Variants in WSCD2 observed in about 807,000 individuals in gnomAD.
WSCD2 encodes the protein sialate:O-sulfotransferase 2.
In WSCD2, 28 loss-of-function variants were observed where a neutral mutation model predicts 55.7. The ratio of observed to expected loss-of-function variants is 0.50; its 90% CI spans 0.37 to 0.69. WSCD2 has a LOEUF of 0.69. Ranked by LOEUF, WSCD2 falls within the 30% of genes least tolerant of loss-of-function variation. The probability of loss-of-function intolerance (pLI) is 0.00; values close to 1 mark genes in which losing one functional copy is unlikely to be tolerated. For missense variants in WSCD2, 616 were observed against 762.1 expected (o/e 0.81, Z 2.26); for synonymous variants, 301 against 301.9 (o/e 1.00, Z 0.03).
intron 1 of WSCD2, among the ~76,000 whole-genome samples, chr12:108,193,760 TGACA>T (rs1883520383): frequency 6.6e-6 from 1 of 152,296 alleles, no homozygotes; most frequent in East Asian, 1.9e-4. Context: ...GACTGCTGGA[TGACA>T]GACGGATGGA....
At chr12:108,180,651 CCA>C (rs780897945) in intron 1 of WSCD2, among the ~76,000 whole-genome samples, 36 of 152,206 alleles carry the variant, frequency 2.4e-4, no homozygotes, top group Non-Finnish European at 3.7e-4. Flanking sequence ...TTGCTCTAGG[CCA>C]CACAGTCATT....
At chr12:108,184,871 G>A (rs1475642416) in intron 1 of WSCD2, among the ~76,000 whole-genome samples, 7 of 152,132 alleles carry the variant, frequency 4.6e-5, no homozygotes, top group East Asian at 1.9e-4. Flanking sequence ...AGGCTGTTTC[G>A]CTAGGTGTTG....
At chr12:108,151,430 T>C (rs532972397) in intron 1 of WSCD2, among the ~76,000 whole-genome samples, 2 of 152,290 alleles carry the variant, frequency 1.3e-5, no homozygotes, top group East Asian at 3.9e-4. Flanking sequence ...ATACATTCCC[T>C]GGGAACTGGC....
chr12:108,170,055 A>G (rs1721942514), intron 1 of WSCD2, among the ~76,000 whole-genome samples: 1 of 152,210 alleles, frequency 6.6e-6, no homozygotes, highest in African/African-American at 2.4e-5. Flanking sequence ...TGTGGCAGGT[A>G]GCTTGCTTTT....
At chr12:108,148,863 G>T (rs1877674123) in intron 1 of WSCD2, among the ~76,000 whole-genome samples, 2 of 152,154 alleles carry the variant, frequency 1.3e-5, no homozygotes, top group Admixed American at 1.3e-4. Context: ...TACAAATGAG[G>T]CCTCTGAGGA....
At chr12:108,168,125 C>T (rs1168573834) in intron 1 of WSCD2, among the ~76,000 whole-genome samples, 1 of 152,190 alleles carries the variant, frequency 6.6e-6, no homozygotes, top group Non-Finnish European at 1.5e-5. Flanking sequence ...AGGTTGAAGT[C>T]AGAGTGATGA....
Position 108,248,328 on chromosome 12 carries a change from C to T in WSCD2, c.1683C>T (p.Asp561=). 1 of 1,612,552 alleles carries T rather than the reference C, an allele frequency of 6.2e-7. No individual in the cohort carries two copies. The highest frequency in any genetic ancestry group is 8.5e-7 in the Non-Finnish European group (1 of 1,178,816). ...GGAACCTAACGGGTGTCCCCGATGA[C>T]TACTACCCAAGATGATGCGTCCACA... ...KGRNLTGVPD[D]YYPR The change falls in exon 9 of 9, where the codon GAC becomes GAT. Residue 561 remains aspartate (D), a synonymous_variant. Coordinates refer to ENST00000547525, the MANE Select transcript of WSCD2 (RefSeq NM_014653.4). This position sits in a 1 kb window ranked among gnomAD's most constrained non-coding sequence, Gnocchi z 4.3.
chr12:108,151,689 G>A (rs890367822), intron 1 of WSCD2, among the ~76,000 whole-genome samples: 2 of 152,162 alleles, frequency 1.3e-5, no homozygotes, highest in Non-Finnish European at 2.9e-5. Flanking sequence ...CTCCCGGAAT[G>A]CCATGAATAT....
At chr12:108,131,146 G>T (rs546570754) in intron 1 of WSCD2, among the ~76,000 whole-genome samples, 4 of 152,162 alleles carry the variant, frequency 2.6e-5, no homozygotes, top group Non-Finnish European at 5.9e-5. Flanking sequence ...TTCCTCCAGG[G>T]CGTCAGAATC....
At chr12:108,178,767 G>C (rs1333380746) in intron 1 of WSCD2, among the ~76,000 whole-genome samples, 2 of 152,160 alleles carry the variant, frequency 1.3e-5, no homozygotes, top group Non-Finnish European at 2.9e-5. Context: ...GATTACCCCT[G>C]TGAAGAGACT....
chr12:108,150,377 G>A (rs1304195458), intron 1 of WSCD2, among the ~76,000 whole-genome samples: 1 of 152,178 alleles, frequency 6.6e-6, no homozygotes, highest in African/African-American at 2.4e-5. Context: ...AGAGGCTAGA[G>A]TGTTACGAGA....
At chr12:108,217,902 G>A (rs186029226) in intron 4 of WSCD2, among the ~76,000 whole-genome samples, 2 of 152,318 alleles carry the variant, frequency 1.3e-5, no homozygotes, top group African/African-American at 4.8e-5. Flanking sequence ...ATTAGCAGGT[G>A]CTTAAATGTC....
At chr12:108,204,831 C>T (rs2137079362) in intron 2 of WSCD2, among the ~76,000 whole-genome samples, 1 of 152,350 alleles carries the variant, frequency 6.6e-6, no homozygotes, top group East Asian at 1.9e-4. Context: ...AATGAGCCTG[C>T]ATTCTCTGCT....
At chr12:108,171,551 G>T (rs1285969172) in intron 1 of WSCD2, 1 of 152,150 alleles carries the variant, frequency 6.6e-6, no homozygotes, top group African/African-American at 2.4e-5. Flanking sequence ...TGACATTTTA[G>T]ATCTAATAGA....
At chr12:108,161,307 G>T (rs747253674) in intron 1 of WSCD2, among the ~76,000 whole-genome samples, 2 of 152,206 alleles carry the variant, frequency 1.3e-5, no homozygotes, top group Non-Finnish European at 2.9e-5. Context: ...AATGTGACTT[G>T]ATTTGGATAT....
At chr12:108,167,803 C>G (rs1331110769) in intron 1 of WSCD2, among the ~76,000 whole-genome samples, 1 of 152,160 alleles carries the variant, frequency 6.6e-6, no homozygotes, top group African/African-American at 2.4e-5. Context: ...GAACCAATCG[C>G]TGTGGTAGGA....
At chr12:108,219,147 T>C (rs920087220) in intron 4 of WSCD2, among the ~76,000 whole-genome samples, 5 of 152,120 alleles carry the variant, frequency 3.3e-5, no homozygotes, top group African/African-American at 9.7e-5. Context: ...AGAGAGCCCG[T>C]GGGATTATTG....
intron 7 of WSCD2, among the ~76,000 whole-genome samples, chr12:108,238,362 T>C (rs564412286): frequency 6.6e-6 from 1 of 152,344 alleles, no homozygotes; most frequent in East Asian, 1.9e-4. Context: ...CACATTCCAT[T>C]CTTGGCTCTT....
intron 1 of WSCD2, among the ~76,000 whole-genome samples, chr12:108,192,215 T>C (rs1035480944): frequency 1.3e-5 from 2 of 152,174 alleles, no homozygotes; most frequent in African/African-American, 4.8e-5. Flanking sequence ...ATGCATCAGG[T>C]ATTCCTCCTA....
Sources: gnomAD v4.1 joint callset for allele counts (sites outside exome capture counted in the v4.1 genomes callset) on GRCh38, gnomAD v4.1.1 for gene constraint, Gnocchi (gnomAD v3.1) non-coding constraint, MANE v1.5 for transcripts, NCBI Gene and HGNC (gene_info 2026-07-23, HGNC 2026-07-21) for gene names.